PARVB: variants seen among roughly 807,000 people sequenced by gnomAD.
PARVB encodes the protein parvin beta, also known as beta-parvin.
A neutral mutation model predicts 47.0 loss-of-function variants in PARVB; 46 were observed. The ratio of observed to expected loss-of-function variants is 0.98; its 90% CI spans 0.77 to 1.25. PARVB has a LOEUF of 1.25. PARVB is among the 50% of genes most tolerant of loss of function. PARVB has a pLI of 0.00. For synonymous variants in PARVB, 196 were observed against 196.3 expected (o/e 1.00, Z 0.01); for missense variants, 473 against 471.6 (o/e 1.00, Z -0.03).
chr22:44,102,011 A>T (rs1035005985), intron 3 of PARVB, among the ~76,000 whole-genome samples: 1 of 152,176 alleles, frequency 6.6e-6, no homozygotes, highest in African/African-American at 2.4e-5. Flanking sequence ...GTCAATATCT[A>T]GAGAGAGGTT....
At chr22:44,013,259 ACT>A (rs1360871582) in intron 2 of PARVB, among the ~76,000 whole-genome samples, 2 of 152,198 alleles carry the variant, frequency 1.3e-5, no homozygotes, top group Non-Finnish European at 2.9e-5. Context: ...CCAGAAGGAA[ACT>A]CACACATGTA....
At chr22:44,136,868 C>T (rs984069228) in intron 7 of PARVB, among the ~76,000 whole-genome samples, 1 of 152,162 alleles carries the variant, frequency 6.6e-6, no homozygotes, top group Admixed American at 6.5e-5. Context: ...CTACATTAGC[C>T]CCATCAGAGG....
At chr22:44,059,586 A>G (rs2051382320) in intron 1 of PARVB, among the ~76,000 whole-genome samples, 1 of 152,178 alleles carries the variant, frequency 6.6e-6, no homozygotes, top group Non-Finnish European at 1.5e-5. Context: ...ACTCTCCATC[A>G]GCCTCGAGAA....
chr22:44,128,176 G>A (rs576612575), intron 4 of PARVB, among the ~76,000 whole-genome samples: 2 of 152,334 alleles, frequency 1.3e-5, no homozygotes, highest in East Asian at 3.9e-4. Flanking sequence ...TGTGTTTGCA[G>A]TGCAGCCCTC....
chr22:44,050,873 C>T (rs573915745), intron 1 of PARVB, among the ~76,000 whole-genome samples: 1 of 152,304 alleles, frequency 6.6e-6, no homozygotes, highest in South Asian at 2.1e-4. Context: ...AGTCAGGGCA[C>T]ACAGCCCGTC....
chr22:43,999,227 T>G (rs929557806), exon 1 of PARVB: 2 of 812,636 alleles, frequency 2.5e-6, no homozygotes, highest in East Asian at 2.7e-5. Flanking sequence ...CCCTACACTT[T>G]GACGTCCTCC....
chr22:44,095,510 A>AG (rs1355126111), intron 2 of PARVB, among the ~76,000 whole-genome samples: 1 of 151,994 alleles, frequency 6.6e-6, no homozygotes, highest in East Asian at 1.9e-4. Context: ...CAAAGTAAAA[A>AG]AAAAAAAAAG....
At chr22:44,134,234 C>A (rs566303581) in intron 6 of PARVB, among the ~76,000 whole-genome samples, 1 of 152,328 alleles carries the variant, frequency 6.6e-6, no homozygotes, top group African/African-American at 2.4e-5. Context: ...CAAGGGCCAC[C>A]TGCCATGTGT....
chr22:44,098,505 G>T (rs368408832), intron 2 of PARVB, among the ~76,000 whole-genome samples: 1 of 152,168 alleles, frequency 6.6e-6, no homozygotes, highest in South Asian at 2.1e-4. Flanking sequence ...AGGGAAGGCC[G>T]GATGGGCTGG....
At chr22:44,124,711 C>T (rs2053149432) in intron 4 of PARVB, among the ~76,000 whole-genome samples, 1 of 152,130 alleles carries the variant, frequency 6.6e-6, no homozygotes, top group African/African-American at 2.4e-5. Flanking sequence ...CAAGCCCCAT[C>T]CTGGTGGAAG....
chr22:44,066,399 G>A (rs1425416852), intron 1 of PARVB, among the ~76,000 whole-genome samples: 1 of 152,172 alleles, frequency 6.6e-6, no homozygotes, highest in Non-Finnish European at 1.5e-5. Context: ...GATATGACCT[G>A]CCTCTAAGGT....
At chr22:44,023,058 C>T (rs2050669793), upstream of PARVB, among the ~76,000 whole-genome samples, 1 of 152,064 alleles carries the variant, frequency 6.6e-6, no homozygotes. Context: ...ACTCCTCCTA[C>T]TTCTTCAAGG....
chr22:44,051,342 G>A (rs2146938585), intron 1 of PARVB, among the ~76,000 whole-genome samples: 1 of 152,310 alleles, frequency 6.6e-6, no homozygotes, highest in Middle Eastern at 3.4e-3. Context: ...TTGATGATGA[G>A]GTGGGGACTG....
chr22:44,023,368 G>A (rs1386441508), upstream of PARVB, among the ~76,000 whole-genome samples: 1 of 151,766 alleles, frequency 6.6e-6, no homozygotes, highest in Non-Finnish European at 1.5e-5. Flanking sequence ...AAAATTACCC[G>A]GTCGTGGTGG....
chr22:44,033,923 G>T (rs192362710), intron 1 of PARVB, among the ~76,000 whole-genome samples: 95 of 152,156 alleles, frequency 6.2e-4, no homozygotes, highest in African/African-American at 2.2e-3. Context: ...AGTTACTCCA[G>T]ACTCCAGGGA....
intron 1 of PARVB, among the ~76,000 whole-genome samples, chr22:44,027,551 C>CT: frequency 6.6e-6 from 1 of 152,198 alleles, no homozygotes. Flanking sequence ...TTCTGTCCCT[C>CT]TTTTCTGAGC....
At chr22:44,146,211 C>T in intron 8 of PARVB, 1 of 148,490 alleles carries the variant, frequency 6.7e-6, no homozygotes, top group African/African-American at 2.5e-5. Context: ...CACACGCACA[C>T]ATGCTCACAC....
chr22:44,132,969 G>T lies in PARVB; in HGVS notation c.593G>T (p.Arg198Leu), dbSNP rs200997339. ...GCCATGCACTTCAGGGCCCCCATCC[G>T]CCTTCCTGAGCATGTAACGGTGCAG... is the stretch of plus-strand genomic sequence containing the variant. ...SLAMHFRAPI[R>L]LPEHVTVQVV... Residue 198 changes from arginine to leucine, a missense_variant, in exon 6 of 13, where the codon CGC becomes CTC. Coordinates refer to ENST00000338758, the MANE Select transcript of PARVB (RefSeq NM_013327.5). 6.2e-7 allele frequency: 1 copy of T among 1,613,954 alleles called. No individual in the cohort carries two copies.
At position 44,024,448 on chromosome 22, in the gene PARVB, G is replaced by A; in HGVS notation, c.109G>A (p.Glu37Lys). 8.5e-7 allele frequency: 1 copy of A among 1,178,710 alleles called. No individual in the cohort carries two copies. Among genetic ancestry groups the A allele is most frequent in the Non-Finnish European group, 1.1e-6 (1 of 949,672 alleles). The allele number at this position is 1,178,710 out of a possible 1,614,324, so 73.0% of individuals were successfully genotyped here. Residue 37 changes from glutamate to lysine, a missense_variant, in exon 1 of 13, where the codon GAG (glutamate) becomes AAG (lysine). Coordinates refer to ENST00000338758, the MANE Select transcript of PARVB (RefSeq NM_013327.5). ...CCTGGCCAGGAAGCGGAGGGCGCGC[G>A]AGGGTGAGTGCGCGCCCGCGCCCGC... ...GTLARKRRAR[E>K]VSDLQEEGKN...
Sources: gnomAD v4.1 joint callset for allele counts (sites outside exome capture counted in the v4.1 genomes callset) on GRCh38, gnomAD v4.1.1 for gene constraint, MANE v1.5 for transcripts, NCBI Gene and HGNC (gene_info 2026-07-23, HGNC 2026-07-21) for gene names.